The following ASB18 variants were observed in gnomAD, a reference collection of about 807,000 sequenced individuals.
The protein encoded by ASB18 is ankyrin repeat and SOCS box protein 18.
ASB18 carries 33 observed loss-of-function variants against 33.4 expected under a neutral mutation model. The observed-to-expected ratio is 0.99, with a 90% CI of 0.75 to 1.32. The LOEUF (loss-of-function observed/expected upper bound fraction) is 1.32. Ranked by LOEUF, ASB18 falls within the 40% of genes most tolerant of loss-of-function variation. The probability of loss-of-function intolerance (pLI) is 0.00; values close to 1 mark genes in which losing one functional copy is unlikely to be tolerated. For missense variants in ASB18, 694 were observed against 655.5 expected, an observed-to-expected ratio of 1.06 and a Z score of -0.64; for synonymous variants, 295 against 307.6, an observed-to-expected ratio of 0.96 and a Z score of 0.43.
chr2:236,212,615 T>C (rs1283336258), intron 4 of ASB18, among the ~76,000 whole-genome samples: 1 of 152,102 alleles, frequency 6.6e-6, no homozygotes, highest in Non-Finnish European at 1.5e-5. Flanking sequence ...TCCTGTAACT[T>C]TGTTTTCTCT....
rs2060671676 is a variant in ASB18 at position 236,252,266 on chromosome 2, G to GCCACAC, written c.206-10865_206-10864insGTGTGG. Reference sequence around the variant, plus strand: ...AGCCTTGGCAACAGAGTGAGACTCCGTCACACACACACACACACACACACA... The same window carrying GCCACAC: ...AGCCTTGGCAACAGAGTGAGACTCCGCCACACTCACACACACACACACACACACACA... On this transcript the variant is annotated intron_variant, in intron 1 of 5. Transcript: ENST00000409749. The surrounding 1 kb of genome is among the most constrained non-coding windows in gnomAD (Gnocchi z 7.9). Among the ~76,000 whole-genome samples the GCCACAC allele has an allele frequency of 1.8e-5, 1 of 57,070 alleles. No individual in the cohort carries two copies. Among genetic ancestry groups the GCCACAC allele is most frequent in the East Asian group, 7.1e-4 (1 of 1,402 alleles). The allele number at this position is 57,070 out of a possible 152,430, so 37.4% of individuals were successfully genotyped here.
rs1399760816 is a variant in ASB18, at chr2:236,238,092, A to T, written c.329-136T>A. 1.6e-6 allele frequency: 1 copy of T among 638,970 alleles called. No individual in the cohort carries two copies. The highest frequency in any genetic ancestry group is 2.4e-6 in the Non-Finnish European group (1 of 422,472). The allele number at this position is 638,970 out of a possible 1,614,324, so 39.6% of individuals were successfully genotyped here. ...CAGGTAGGCATGTAGGGAGAAGAGG[A>T]TAGAATCAGAGACGCACACAGAGAC... On this transcript the variant is annotated intron_variant, in intron 2 of 5. Coordinates refer to ENST00000409749, the MANE Select transcript of ASB18 (RefSeq NM_212556.4). The surrounding 1 kb of genome is among the most constrained non-coding windows in gnomAD (Gnocchi z 5.2).
In ASB18 at chr2:236,240,989, A is replaced by C. The variant is rs564981752; in HGVS notation, c.328+291T>G. On this transcript the variant is annotated intron_variant, in intron 2 of 5. Transcript: ENST00000409749. ...ACCTCCCTGGCTGCCAGATGCAGGC[A>C]CGGGCAGCTCCACACCTAAACCAAT... Among the ~76,000 whole-genome samples, 263 of 152,304 alleles carry C rather than the reference A, an allele frequency of 1.7e-3. 1 individual carries two copies. The highest frequency in any genetic ancestry group is 6.2e-3 in the African/African-American group (257 of 41,582).
rs2060482576 is a variant in ASB18 at position 236,215,257 on chromosome 2, C to T, written c.597-391G>A. On this transcript the variant is annotated intron_variant, in intron 3 of 5. Transcript: ENST00000409749. This position sits in a 1 kb window ranked among gnomAD's most constrained non-coding sequence, Gnocchi z 7.2. The stretch of plus-strand genomic sequence containing the variant: ...TGGCAGTCACAGTTCTAAGGAGAGG[C>T]CCTTGGGGGTCAGACTCTTTCCCGG... 1.3e-5 allele frequency among the ~76,000 whole-genome samples: 2 copies of T among 152,118 alleles called. No individual in the cohort carries two copies. Among genetic ancestry groups the T allele is most frequent in the Admixed American group, 6.5e-5 (1 of 15,282 alleles).
rs1314285055 is a variant in ASB18 at position 236,220,581 on chromosome 2, A to C, written c.597-5715T>G. ...TTTTTTTTTTTTTAAACAACTATTT[A>C]TCTTTAGTCCCTGAAACAACTTTGC... On this transcript the variant is annotated intron_variant, in intron 3 of 5. Coordinates refer to ENST00000409749, the MANE Select transcript of ASB18 (RefSeq NM_212556.4). This position sits in a 1 kb window ranked among gnomAD's most constrained non-coding sequence, Gnocchi z 5.1. 7.0e-6 allele frequency among the ~76,000 whole-genome samples: 1 copy of C among 143,180 alleles called. No individual in the cohort carries two copies. Among genetic ancestry groups the C allele is most frequent in the African/African-American group, 2.6e-5 (1 of 38,270 alleles). The allele number at this position is 143,180 out of a possible 152,430, so 93.9% of individuals were successfully genotyped here. A position where few individuals can be genotyped will look rare whatever the true frequency, so the allele number is the denominator to read the frequency against.
intron 1 of ASB18, among the ~76,000 whole-genome samples, chr2:236,242,639 T>C (rs2060626352): frequency 1.3e-5 from 2 of 152,096 alleles, no homozygotes; most frequent in African/African-American, 4.8e-5. Flanking sequence ...TTTTTTAAAT[T>C]ATTTTTCGTA....
At chr2:236,199,749 T>C (rs1239953575) in intron 4 of ASB18, among the ~76,000 whole-genome samples, 1 of 151,898 alleles carries the variant, frequency 6.6e-6, no homozygotes, top group Non-Finnish European at 1.5e-5. Flanking sequence ...TTTAACATCA[T>C]TTTATGTTAA....
At chr2:236,197,785 G>A (rs1218986469) in intron 4 of ASB18, among the ~76,000 whole-genome samples, 1 of 150,598 alleles carries the variant, frequency 6.6e-6, no homozygotes, top group Non-Finnish European at 1.5e-5. Context: ...TTGTGCCATT[G>A]CACTCAAGCC....
chr2:236,212,839 A>T (rs750328911), intron 4 of ASB18, among the ~76,000 whole-genome samples: 9 of 152,118 alleles, frequency 5.9e-5, no homozygotes, highest in Admixed American at 1.3e-4. Flanking sequence ...TATGTTGCCC[A>T]GGCTGGTCTT....
rs2060551989 is a variant in ASB18, at chr2:236,228,724, G to A, written c.596+8965C>T. Among the ~76,000 whole-genome samples, 1 of 151,992 alleles carries A rather than the reference G, an allele frequency of 6.6e-6. No individual in the cohort carries two copies. The highest frequency in any genetic ancestry group is 2.4e-5 in the African/African-American group (1 of 41,380). The stretch of plus-strand genomic sequence containing the variant: ...AAGTGTGAAACCTTATAAATAATTA[G>A]GTATGGAGAGAGTACCAAAAAGAGT... On this transcript the variant is annotated intron_variant, in intron 3 of 5. Transcript: ENST00000409749. This position sits in a 1 kb window ranked among gnomAD's most constrained non-coding sequence, Gnocchi z 5.1.
At position 236,208,560 on chromosome 2, in the gene ASB18, CATG is replaced by C. The variant is rs2106266291; in HGVS notation, c.1101+5799_1101+5801del. Among the ~76,000 whole-genome samples, 1 of 152,304 alleles carries C rather than the reference CATG, an allele frequency of 6.6e-6. No individual in the cohort carries two copies. Among genetic ancestry groups the C allele is most frequent in the East Asian group, 1.9e-4 (1 of 5,176 alleles). On this transcript the variant is annotated intron_variant, in intron 4 of 5. Transcript: ENST00000409749. The surrounding 1 kb of genome is among the most constrained non-coding windows in gnomAD (Gnocchi z 7.7). ...TCCCAGGGACTGCAGGTAACCCGGACATGCCCCACCCTGGGAAGAGGTGCCCTC... is the reference window on the plus strand; with the variant it reads ...TCCCAGGGACTGCAGGTAACCCGGACCCCCACCCTGGGAAGAGGTGCCCTC...
rs796822844 is a variant in ASB18 at position 236,262,986 on chromosome 2, G to C, written c.205+1155C>G. On this transcript the variant is annotated intron_variant, in intron 1 of 5. Transcript: ENST00000409749. This position sits in a 1 kb window ranked among gnomAD's most constrained non-coding sequence, Gnocchi z 5.2. Reference sequence around the variant, plus strand: ...AGCAACTCCCACTCATGTCCCATCTGTGTTCCTCCTGCATGTTGCGCACAC... The same window carrying C: ...AGCAACTCCCACTCATGTCCCATCTCTGTTCCTCCTGCATGTTGCGCACAC... 6.6e-6 allele frequency among the ~76,000 whole-genome samples: 1 copy of C among 152,284 alleles called. No individual in the cohort carries two copies. The highest frequency in any genetic ancestry group is 2.4e-5 in the African/African-American group (1 of 41,570).
At position 236,225,771 on chromosome 2, in the gene ASB18, T is replaced by C. The variant is rs1406621673; in HGVS notation, c.597-10905A>G. ...TGTGTTGAATTCTGAATTCTGAAGC[T>C]TGCTGGTTGGAAGGAAGCACAGGTA... On this transcript the variant is annotated intron_variant, in intron 3 of 5. Transcript: ENST00000409749. This position sits in a 1 kb window ranked among gnomAD's most constrained non-coding sequence, Gnocchi z 5.1. 6.6e-6 allele frequency among the ~76,000 whole-genome samples: 1 copy of C among 151,470 alleles called. No homozygotes were observed. Among genetic ancestry groups the C allele is most frequent in the Non-Finnish European group, 1.5e-5 (1 of 67,934 alleles).
At chr2:236,242,279 G>A (rs1359959775) in intron 1 of ASB18, among the ~76,000 whole-genome samples, 2 of 152,166 alleles carry the variant, frequency 1.3e-5, no homozygotes, top group African/African-American at 4.8e-5. Flanking sequence ...ACTCAGAACT[G>A]GGCCAGCACT....
intron 3 of ASB18, among the ~76,000 whole-genome samples, chr2:236,218,639 A>G (rs2060498478): frequency 6.6e-6 from 1 of 151,970 alleles, no homozygotes; most frequent in Non-Finnish European, 1.5e-5. Flanking sequence ...TCTACTAAAA[A>G]TACAAAAAAT....
In ASB18 at chr2:236,234,587, G is replaced by T. The variant is rs2060580387; in HGVS notation, c.596+3102C>A. Among the ~76,000 whole-genome samples the T allele has an allele frequency of 6.6e-6, 1 of 152,140 alleles. No homozygotes were observed. Among genetic ancestry groups the T allele is most frequent in the Non-Finnish European group, 1.5e-5 (1 of 68,026 alleles). ...ACTTTGCCCTGCTTTGCACATGCTTGACAAGAGAGCTCAGAAATAAACTCA... is the reference window on the plus strand; with the variant it reads ...ACTTTGCCCTGCTTTGCACATGCTTTACAAGAGAGCTCAGAAATAAACTCA... On this transcript the variant is annotated intron_variant, in intron 3 of 5. Coordinates refer to ENST00000409749, the MANE Select transcript of ASB18 (RefSeq NM_212556.4). The surrounding 1 kb of genome is among the most constrained non-coding windows in gnomAD (Gnocchi z 4.1).
rs141179555 is a variant in ASB18, at chr2:236,252,267, T to TCTCACACACA, written c.206-10866_206-10865insTGTGTGTGAG. ...GCCTTGGCAACAGAGTGAGACTCCGTCACACACACACACACACACACACAC... is the reference window on the plus strand; with the variant it reads ...GCCTTGGCAACAGAGTGAGACTCCGTCTCACACACACACACACACACACACACACACACAC... On this transcript the variant is annotated intron_variant, in intron 1 of 5. Transcript: ENST00000409749. The surrounding 1 kb of genome is among the most constrained non-coding windows in gnomAD (Gnocchi z 7.9). Among the ~76,000 whole-genome samples the TCTCACACACA allele has an allele frequency of 1.4e-5, 2 of 138,580 alleles. No homozygotes were observed. The highest frequency in any genetic ancestry group is 3.1e-5 in the Non-Finnish European group (2 of 63,826). 90.9% of individuals were successfully genotyped at this position (138,580 alleles called of 152,430 possible). A position where few individuals can be genotyped will look rare whatever the true frequency, so the allele number is the denominator to read the frequency against.
At chr2:236,207,376 GT>G (rs1224704577) in intron 4 of ASB18, among the ~76,000 whole-genome samples, 1 of 152,132 alleles carries the variant, frequency 6.6e-6, no homozygotes, top group Non-Finnish European at 1.5e-5. Flanking sequence ...AACCAGTACT[GT>G]TTCGATGAAT....
chr2:236,253,434 G>T lies in ASB18; in HGVS notation c.205+10707C>A, dbSNP rs1006370426. On this transcript the variant is annotated intron_variant, in intron 1 of 5. Transcript: ENST00000409749. The surrounding 1 kb of genome is among the most constrained non-coding windows in gnomAD (Gnocchi z 5.4). Reference sequence around the variant, plus strand: ...ACTCTGTTGCCTAGGCTAGAGTACAGTGGCACAGTCATAGCTCACTGTAAC... The same window carrying T: ...ACTCTGTTGCCTAGGCTAGAGTACATTGGCACAGTCATAGCTCACTGTAAC... Among the ~76,000 whole-genome samples, 1 of 152,166 alleles carries T rather than the reference G, an allele frequency of 6.6e-6. No individual in the cohort carries two copies. Among genetic ancestry groups the T allele is most frequent in the Non-Finnish European group, 1.5e-5 (1 of 68,048 alleles).
Sources: gnomAD v4.1 joint callset for allele counts (sites outside exome capture counted in the v4.1 genomes callset) on GRCh38, gnomAD v4.1.1 for gene constraint, Gnocchi (gnomAD v3.1) non-coding constraint, MANE v1.5 for transcripts, NCBI Gene and HGNC (gene_info 2026-07-23, HGNC 2026-07-21) for gene names.